Variants in HEBP2 observed in about 807,000 individuals in gnomAD.
HEBP2 encodes heme binding protein 2.
In HEBP2, 27 loss-of-function variants were observed where a neutral mutation model predicts 23.1. The observed-to-expected ratio is 1.17, with a 90% CI of 0.86 to 1.61. The LOEUF (loss-of-function observed/expected upper bound fraction) is 1.61. HEBP2 is among the 40% of genes most tolerant of loss of function. The pLI, the probability that HEBP2 is intolerant of heterozygous loss-of-function variation, is 0.00. For synonymous variants in HEBP2, 99 were observed against 95.1 expected (o/e 1.04, Z -0.24); for missense variants, 245 against 253.8 (o/e 0.97, Z 0.24).
chr6:138,415,679 T>C lies in HEBP2; in HGVS notation c.*2601T>C, dbSNP rs1293775252. The C allele has an allele frequency of 1.3e-5, 2 of 152,148 alleles. No homozygotes were observed. The highest frequency in any genetic ancestry group is 4.8e-5 in the African/African-American group (2 of 41,440). The allele number at this position is 152,148 out of a possible 1,614,324, so 9.4% of individuals were successfully genotyped here. ...GCAAGCTGAAGGCCAAGCACAGGATTTGATGGTAAAAGTAGCTAACAGCCA... is the reference window on the plus strand; with the variant it reads ...GCAAGCTGAAGGCCAAGCACAGGATCTGATGGTAAAAGTAGCTAACAGCCA... On this transcript the variant is annotated 3_prime_UTR_variant, in exon 4 of 4. Transcript: ENST00000607197.
rs1357720402 is a variant in HEBP2 at position 138,416,521 on chromosome 6, C to T, written c.*3443C>T. The T allele has an allele frequency of 5.2e-5, 8 of 152,488 alleles. No homozygotes were observed. Among genetic ancestry groups the T allele is most frequent in the East Asian group, 3.8e-4 (2 of 5,202 alleles). 9.4% of individuals were successfully genotyped at this position (152,488 alleles called of 1,614,324 possible). ...CATAAAGGAGCTCAGCGGTGGCTCT[C>T]CTCGGCAGGCTGGGGCTGGCAGGAA... On this transcript the variant is annotated 3_prime_UTR_variant, in exon 4 of 4. Coordinates refer to ENST00000607197, the MANE Select transcript of HEBP2 (RefSeq NM_014320.3).
In HEBP2 at chr6:138,414,058, G is replaced by C. The variant is rs537394107; in HGVS notation, c.*980G>C. 6.6e-6 allele frequency: 1 copy of C among 152,370 alleles called. No individual in the cohort carries two copies. Among genetic ancestry groups the C allele is most frequent in the South Asian group, 2.1e-4 (1 of 4,824 alleles). The allele number at this position is 152,370 out of a possible 1,614,324, so 9.4% of individuals were successfully genotyped here. ...GTAGGGTGTGGTGGACATCACATAA[G>C]GTGGTCAGCAAAGGCCTCTCAAGAG... On this transcript the variant is annotated 3_prime_UTR_variant, in exon 4 of 4. Coordinates refer to ENST00000607197, the MANE Select transcript of HEBP2 (RefSeq NM_014320.3).
chr6:138,413,245 A>T lies in HEBP2; in HGVS notation c.*167A>T. The T allele has an allele frequency of 5.0e-6, 3 of 598,612 alleles. No individual in the cohort carries two copies. The allele number at this position is 598,612 out of a possible 1,614,324, so 37.1% of individuals were successfully genotyped here. A position where few individuals can be genotyped will look rare whatever the true frequency, so the allele number is the denominator to read the frequency against. On this transcript the variant is annotated 3_prime_UTR_variant, in exon 4 of 4. Transcript: ENST00000607197. ...TTAATGCTTGAAGTTTTATCTACAT[A>T]CACAGGTAACAGAGGACAGTAGTCT...
intron 3 of HEBP2, among the ~76,000 whole-genome samples, chr6:138,410,921 G>T (rs1203343703): frequency 1.3e-5 from 2 of 152,188 alleles, no homozygotes; most frequent in African/African-American, 4.8e-5. Context: ...CACTTGACAG[G>T]ATTAAAAGGG....
Position 138,419,074 on chromosome 6 carries a change from G to A in HEBP2, c.*5996G>A, listed in dbSNP as rs1400709118. 5.3e-5 allele frequency: 8 copies of A among 151,966 alleles called. No homozygotes were observed. The highest frequency in any genetic ancestry group is 1.2e-4 in the Non-Finnish European group (8 of 68,018). 9.4% of individuals were successfully genotyped at this position (151,966 alleles called of 1,614,324 possible). On this transcript the variant is annotated 3_prime_UTR_variant, in exon 4 of 4. Transcript: ENST00000607197. ...AGAGGCACTAAACAACCAAGTAGAT[G>A]AAATGACTTAGCCTGTTCTATTAGC...
Position 138,418,158 on chromosome 6 carries a change from A to C in HEBP2, c.*5080A>C, listed in dbSNP as rs1403842870. 6.6e-6 allele frequency: 1 copy of C among 152,234 alleles called. No individual in the cohort carries two copies. Among genetic ancestry groups the C allele is most frequent in the Non-Finnish European group, 1.5e-5 (1 of 68,042 alleles). 9.4% of individuals were successfully genotyped at this position (152,234 alleles called of 1,614,324 possible). A position where few individuals can be genotyped will look rare whatever the true frequency, so the allele number is the denominator to read the frequency against. Reference sequence around the variant, plus strand: ...AAATTACTGGAAACAGAGAAATATAAATTATGGCCCATAATTAGGAAAAAA... The same window carrying C: ...AAATTACTGGAAACAGAGAAATATACATTATGGCCCATAATTAGGAAAAAA... On this transcript the variant is annotated 3_prime_UTR_variant, in exon 4 of 4. Coordinates refer to ENST00000607197, the MANE Select transcript of HEBP2 (RefSeq NM_014320.3).
At position 138,412,891 on chromosome 6, in the gene HEBP2, G is replaced by T. The variant is rs376359576; in HGVS notation, c.431G>T (p.Gly144Val). 4 of 1,613,314 alleles carry T rather than the reference G, an allele frequency of 2.5e-6. No homozygotes were observed. The highest frequency in any genetic ancestry group is 1.7e-5 in the Admixed American group (1 of 59,972). Residue 144 changes from glycine (G) to valine (V), a missense_variant, in exon 4 of 4, where the codon GGA becomes GTA. Transcript: ENST00000607197. Reference protein sequence around the residue: ...EMTVFVRSFDGFSSAQKNQEQ... With the variant: ...EMTVFVRSFDVFSSAQKNQEQ... Reference sequence around the variant, plus strand: ...TTTCTCCTTTGTAGGTCTTTCGATGGATTTTCTAGTGCCCAAAAGAATCAA... The same window carrying T: ...TTTCTCCTTTGTAGGTCTTTCGATGTATTTTCTAGTGCCCAAAAGAATCAA...
chr6:138,403,857 C>A (rs904782186), upstream of HEBP2, among the ~76,000 whole-genome samples: 2 of 152,166 alleles, frequency 1.3e-5, no homozygotes, highest in African/African-American at 4.8e-5. Context: ...GTCTGTGGTC[C>A]CACCACCTCC....
Position 138,405,133 on chromosome 6 carries a change from G to T in HEBP2, c.103-12G>T. ...AGAATTGCTTCTCGAAGTTTTCTCT[G>T]TTCCACTTTAGCCCGGAAGTTATGA... On this transcript the variant is annotated splice_polypyrimidine_tract_variant and intron_variant, in intron 1 of 3. Transcript: ENST00000607197. 5 of 1,605,134 alleles carry T rather than the reference G, an allele frequency of 3.1e-6. No homozygotes were observed. Among genetic ancestry groups the T allele is most frequent in the Admixed American group, 1.8e-5 (1 of 56,796 alleles).
chr6:138,408,743 TC>T (rs1232315051), intron 3 of HEBP2, among the ~76,000 whole-genome samples: 7 of 150,722 alleles, frequency 4.6e-5, no homozygotes, highest in African/African-American at 1.7e-4. Flanking sequence ...GCTCCTCAGC[TC>T]CCTACCCTAG....
chr6:138,406,912 T>C (rs565999943), intron 3 of HEBP2, among the ~76,000 whole-genome samples: 26 of 152,058 alleles, frequency 1.7e-4, no homozygotes, highest in African/African-American at 5.5e-4. Context: ...ATGCCTGTGG[T>C]CCCAGCTACT....
intron 3 of HEBP2, among the ~76,000 whole-genome samples, chr6:138,409,890 TC>T (rs1774714804): frequency 6.6e-6 from 1 of 152,192 alleles, no homozygotes; most frequent in Non-Finnish European, 1.5e-5. Context: ...TGCTAAAATT[TC>T]CCTGTTTTAA....
At chr6:138,406,188 A>C (rs181671546) in intron 3 of HEBP2, 37 bp downstream of exon 3, 1 of 1,582,794 alleles carries the variant, frequency 6.3e-7, no homozygotes, top group East Asian at 2.2e-5. Context: ...GCTGACTGCT[A>C]GTTTTACTTG....
rs1242083077 is a variant in HEBP2, at chr6:138,419,145, T to TCATAAA, written c.*6067_*6068insCATAAA. Reference sequence around the variant, plus strand: ...GTGCTGGTAAAATGCACACATAAAGTGGCAGTGGTGGCAAAGATGGAGGCT... The same window carrying TCATAAA: ...GTGCTGGTAAAATGCACACATAAAGTCATAAAGGCAGTGGTGGCAAAGATGGAGGCT... On this transcript the variant is annotated 3_prime_UTR_variant, in exon 4 of 4. Coordinates refer to ENST00000607197, the MANE Select transcript of HEBP2 (RefSeq NM_014320.3). The TCATAAA allele has an allele frequency of 6.6e-6, 1 of 152,122 alleles. No individual in the cohort carries two copies. The highest frequency in any genetic ancestry group is 1.5e-5 in the Non-Finnish European group (1 of 68,036). The allele number at this position is 152,122 out of a possible 1,614,324, so 9.4% of individuals were successfully genotyped here.
Position 138,417,461 on chromosome 6 carries a change from A to G in HEBP2, c.*4383A>G, listed in dbSNP as rs1277969546. ...CTTAAACAACTAAAAGCCCAGACAAAATATATGAAACAATGGTTTTCAGAC... is the reference window on the plus strand; with the variant it reads ...CTTAAACAACTAAAAGCCCAGACAAGATATATGAAACAATGGTTTTCAGAC... On this transcript the variant is annotated 3_prime_UTR_variant, in exon 4 of 4. Transcript: ENST00000607197. 2 of 152,206 alleles carry G rather than the reference A, an allele frequency of 1.3e-5. No individual in the cohort carries two copies. The highest frequency in any genetic ancestry group is 2.9e-5 in the Non-Finnish European group (2 of 68,040). 9.4% of individuals were successfully genotyped at this position (152,206 alleles called of 1,614,324 possible). A position where few individuals can be genotyped will look rare whatever the true frequency, so the allele number is the denominator to read the frequency against.
rs1160955481 is a variant in HEBP2, at chr6:138,404,275, T to C, written c.-221T>C. 1 of 325,340 alleles carries C rather than the reference T, an allele frequency of 3.1e-6. No homozygotes were observed. Among genetic ancestry groups the C allele is most frequent in the Non-Finnish European group, 5.6e-6 (1 of 179,704 alleles). 20.2% of individuals were successfully genotyped at this position (325,340 alleles called of 1,614,324 possible). On this transcript the variant is annotated 5_prime_UTR_variant, in exon 1 of 4. Coordinates refer to ENST00000607197, the MANE Select transcript of HEBP2 (RefSeq NM_014320.3). ...GGACGCGCAACTCCGGCCGGAGCTGTCCGGGGTCGTGAGCCGGCCCCGCCT... is the reference window on the plus strand; with the variant it reads ...GGACGCGCAACTCCGGCCGGAGCTGCCCGGGGTCGTGAGCCGGCCCCGCCT...
intron 3 of HEBP2, among the ~76,000 whole-genome samples, chr6:138,407,564 C>T (rs901768346): frequency 6.6e-6 from 1 of 152,222 alleles, no homozygotes; most frequent in African/African-American, 2.4e-5. Flanking sequence ...GTTGGAGGGA[C>T]CCCACCCTGC....
chr6:138,414,952 T>TGAA lies in HEBP2; in HGVS notation c.*1875_*1877dup, dbSNP rs1321882190. On this transcript the variant is annotated 3_prime_UTR_variant, in exon 4 of 4. Coordinates refer to ENST00000607197, the MANE Select transcript of HEBP2 (RefSeq NM_014320.3). ...ACGCCTGTATTCCTAGCTCCTGAGGTGAAAGGATTGCTTGAGCTCGGGAGG... is the reference window on the plus strand; with the variant it reads ...ACGCCTGTATTCCTAGCTCCTGAGGTGAAGAAAGGATTGCTTGAGCTCGGGAGG... 1 of 151,972 alleles carries TGAA rather than the reference T, an allele frequency of 6.6e-6. No individual in the cohort carries two copies. The highest frequency in any genetic ancestry group is 2.4e-5 in the African/African-American group (1 of 41,346). The allele number at this position is 151,972 out of a possible 1,614,324, so 9.4% of individuals were successfully genotyped here. A position where few individuals can be genotyped will look rare whatever the true frequency, so the allele number is the denominator to read the frequency against.
chr6:138,416,346 A>T lies in HEBP2; in HGVS notation c.*3268A>T, dbSNP rs1774841699. 1 of 152,358 alleles carries T rather than the reference A, an allele frequency of 6.6e-6. No individual in the cohort carries two copies. Among genetic ancestry groups the T allele is most frequent in the Admixed American group, 6.5e-5 (1 of 15,286 alleles). The allele number at this position is 152,358 out of a possible 1,614,324, so 9.4% of individuals were successfully genotyped here. On this transcript the variant is annotated 3_prime_UTR_variant, in exon 4 of 4. Transcript: ENST00000607197. Reference sequence around the variant, plus strand: ...GAATGGCTGGGACAAACAATAGAGAAAGGAATGAGAAGGCTCAGGGAAGGG... The same window carrying T: ...GAATGGCTGGGACAAACAATAGAGATAGGAATGAGAAGGCTCAGGGAAGGG...
Sources: allele counts gnomAD v4.1 joint callset (sites outside exome capture counted in the v4.1 genomes callset), GRCh38; gene constraint gnomAD v4.1.1; transcripts MANE v1.5; gene names NCBI Gene and HGNC (gene_info 2026-07-23, HGNC 2026-07-21).